The following EXOSC7 variants were observed in gnomAD, a reference collection of about 807,000 sequenced individuals.
EXOSC7 encodes exosome complex component RRP42.
Under a neutral mutation model 34.3 loss-of-function variants are expected in EXOSC7, and 25 were observed. The ratio of observed to expected loss-of-function variants is 0.73; its 90% confidence interval spans 0.53 to 1.02. The LOEUF (loss-of-function observed/expected upper bound fraction) is 1.02. Ranked by LOEUF, EXOSC7 falls within the 50% of genes least tolerant of loss-of-function variation. The pLI, the probability that EXOSC7 is intolerant of heterozygous loss-of-function variation, is 0.00. For synonymous variants in EXOSC7, 130 were observed against 143.0 expected (o/e 0.91, Z 0.65); for missense variants, 370 against 368.5 (o/e 1.00, Z -0.03).
At chr3:45,003,412 G>A (rs1706942628) in intron 5 of EXOSC7, among the ~76,000 whole-genome samples, 1 of 152,098 alleles carries the variant, frequency 6.6e-6, no homozygotes, top group African/African-American at 2.4e-5. Flanking sequence ...ATATTACTTA[G>A]TAGAACTTCC....
At chr3:45,006,550 G>A (rs1391836488) in intron 6 of EXOSC7, among the ~76,000 whole-genome samples, 2 of 150,378 alleles carry the variant, frequency 1.3e-5, no homozygotes, top group Non-Finnish European at 3.0e-5. Context: ...CCGAGTAGCT[G>A]GGACTACAGG....
At chr3:44,984,649 G>C (rs935142528) in intron 1 of EXOSC7, among the ~76,000 whole-genome samples, 14 of 152,176 alleles carry the variant, frequency 9.2e-5, no homozygotes, top group African/African-American at 1.7e-4. Flanking sequence ...GCTACTTACT[G>C]GCTGTCTGAA....
intron 1 of EXOSC7, among the ~76,000 whole-genome samples, chr3:44,985,458 C>G (rs1187314860): frequency 2.6e-5 from 4 of 151,874 alleles, no homozygotes; most frequent in Non-Finnish European, 5.9e-5. Context: ...CTCGGAGTTT[C>G]TTCCTTCTGG....
intron 6 of EXOSC7, 95 bp from the exon 7 acceptor site, chr3:45,007,325 T>G (rs1707076400): frequency 5.2e-6 from 7 of 1,336,654 alleles, no homozygotes; most frequent in South Asian, 1.3e-5. Flanking sequence ...TGCAAATACT[T>G]TTGCCTGGTG....
At chr3:44,989,402 A>G in intron 2 of EXOSC7, 148 bp from the exon 3 acceptor site, 1 of 795,048 alleles carries the variant, frequency 1.3e-6, no homozygotes, top group Non-Finnish European at 2.1e-6. Flanking sequence ...ATCTGAAAAG[A>G]CTGCTCACCT....
chr3:44,980,958 T>C (rs1246603007), intron 1 of EXOSC7, among the ~76,000 whole-genome samples: 1 of 152,222 alleles, frequency 6.6e-6, no homozygotes, highest in Non-Finnish European at 1.5e-5. Flanking sequence ...ATTTATCCTC[T>C]TTTCTGGCTT....
At chr3:44,988,821 A>G (rs971590425) in intron 1 of EXOSC7, among the ~76,000 whole-genome samples, 9 of 152,144 alleles carry the variant, frequency 5.9e-5, no homozygotes, top group Admixed American at 1.3e-4. Context: ...TCTCTTGTTC[A>G]GATCTTGTTT....
At chr3:45,011,033 T>TA (rs1436600211) in intron 7 of EXOSC7, among the ~76,000 whole-genome samples, 5 of 152,226 alleles carry the variant, frequency 3.3e-5, no homozygotes, top group African/African-American at 1.2e-4. Flanking sequence ...ATTTTTTTGA[T>TA]ATGACGATTT....
At chr3:45,000,653 T>G (rs761473795) in intron 4 of EXOSC7, among the ~76,000 whole-genome samples, 1 of 152,228 alleles carries the variant, frequency 6.6e-6, no homozygotes, top group Non-Finnish European at 1.5e-5. Context: ...ACATGTAGTA[T>G]TTCATGTCTG....
At chr3:44,981,076 C>G (rs1419681050) in intron 1 of EXOSC7, among the ~76,000 whole-genome samples, 3 of 152,226 alleles carry the variant, frequency 2.0e-5, no homozygotes, top group Admixed American at 2.0e-4. Flanking sequence ...CTACAAAATA[C>G]AGATTCTGAG....
At chr3:45,004,663 C>T (rs1484879336) in intron 5 of EXOSC7, 1 of 143,416 alleles carries the variant, frequency 7.0e-6, no homozygotes, top group Non-Finnish European at 1.5e-5. Context: ...AGCACCTTTT[C>T]TTGGTTTATT....
chr3:44,991,016 C>G (rs1215050884), intron 3 of EXOSC7, among the ~76,000 whole-genome samples: 1 of 152,098 alleles, frequency 6.6e-6, no homozygotes, highest in African/African-American at 2.4e-5. Context: ...TCATAGTACT[C>G]GTATAAGAGA....
intron 1 of EXOSC7, among the ~76,000 whole-genome samples, chr3:44,987,274 G>A (rs755949010): frequency 5.3e-5 from 8 of 152,168 alleles, no homozygotes; most frequent in Admixed American, 2.0e-4. Flanking sequence ...AGCATAATAC[G>A]GAGGAGAGTG....
chr3:45,006,667 C>T (rs1005658781), intron 6 of EXOSC7, among the ~76,000 whole-genome samples: 4 of 151,720 alleles, frequency 2.6e-5, no homozygotes, highest in Admixed American at 6.6e-5. Context: ...CTGCCCGCCT[C>T]GGCCTCCCAA....
At chr3:44,982,313 C>T (rs1390521397) in intron 1 of EXOSC7, among the ~76,000 whole-genome samples, 2 of 152,220 alleles carry the variant, frequency 1.3e-5, no homozygotes, top group East Asian at 1.9e-4. Context: ...CAGGCACCTA[C>T]CCCTGGTCCT....
intron 3 of EXOSC7, among the ~76,000 whole-genome samples, chr3:44,991,523 T>G (rs1706572070): frequency 6.6e-6 from 1 of 152,252 alleles, no homozygotes; most frequent in African/African-American, 2.4e-5. Context: ...TCATTCATTT[T>G]AGGCAGACCA....
At chr3:45,005,148 T>A in intron 5 of EXOSC7, 143 bp from the exon 6 acceptor site, 1 of 916,600 alleles carries the variant, frequency 1.1e-6, no homozygotes, top group South Asian at 1.6e-5. Context: ...TTGACAGGGA[T>A]GACAGGGATG....
intron 5 of EXOSC7, among the ~76,000 whole-genome samples, chr3:45,003,266 ATTC>A (rs1251906575): frequency 6.6e-6 from 1 of 152,118 alleles, no homozygotes; most frequent in African/African-American, 2.4e-5. Flanking sequence ...ACCTGAGGGT[ATTC>A]TTTAGCCCTT....
downstream of EXOSC7, chr3:45,012,574 C>T (rs926309937): frequency 5.3e-5 from 8 of 152,362 alleles, no homozygotes; most frequent in African/African-American, 1.4e-4. Context: ...CTTCCCTGCT[C>T]CTGGTTGACT....
Sources: gnomAD v4.1 joint callset for allele counts (sites outside exome capture counted in the v4.1 genomes callset) on GRCh38, gnomAD v4.1.1 for gene constraint, MANE v1.5 for transcripts, NCBI Gene and HGNC (gene_info 2026-07-23, HGNC 2026-07-21) for gene names.